The following KDM2B variants were observed in gnomAD, a reference collection of about 807,000 sequenced individuals.
KDM2B encodes the protein lysine demethylase 2B.
Under a neutral mutation model 150.0 loss-of-function variants are expected in KDM2B, and 26 were observed. The observed-to-expected ratio is 0.17, with a 90% CI of 0.13 to 0.24. The LOEUF (loss-of-function observed/expected upper bound fraction) is 0.24. Ranked by LOEUF, KDM2B falls within the 10% of genes least tolerant of loss-of-function variation. The pLI is 1.00. For synonymous variants in KDM2B, 734 were observed against 729.5 expected (o/e 1.01, Z -0.10); for missense variants, 1,265 against 1,816.9 (o/e 0.70, Z 5.52).
Position 121,480,921 on chromosome 12 carries a change from TTTTTTTTGTTG to T in KDM2B, c.1734+13647_1734+13657del, listed in dbSNP as rs1221667118. On this transcript the variant is annotated intron_variant, in intron 12 of 22. Transcript: ENST00000377071. ...AAATGCTCTTTATAAGTGAGAGGTG[TTTTTTTTGTTG>T]TTTTTTTTTTTTTGAGATGGAGTCT... is the stretch of plus-strand genomic sequence containing the variant. Among the ~76,000 whole-genome samples the T allele has an allele frequency of 4.6e-5, 5 of 108,436 alleles. No individual in the cohort carries two copies. In the East Asian group the frequency reaches 1.3e-3, roughly 28 times the overall value. The allele number at this position is 108,436 out of a possible 152,430, so 71.1% of individuals were successfully genotyped here.
At chr12:121,563,473 G>A (rs921581772) in intron 4 of KDM2B, among the ~76,000 whole-genome samples, 5 of 150,978 alleles carry the variant, frequency 3.3e-5, no homozygotes, top group African/African-American at 9.7e-5. Flanking sequence ...CGGGCGTGGC[G>A]GCGGCTGCCC....
chr12:121,504,957 A>G (rs551525191), intron 11 of KDM2B, among the ~76,000 whole-genome samples: 80 of 152,196 alleles, frequency 5.3e-4, no homozygotes, highest in African/African-American at 1.8e-3. Flanking sequence ...TCTACTAAAA[A>G]TACAAAAAAA....
intron 12 of KDM2B, among the ~76,000 whole-genome samples, chr12:121,474,235 C>A (rs781906943): frequency 6.6e-6 from 1 of 152,026 alleles, no homozygotes; most frequent in Non-Finnish European, 1.5e-5. Flanking sequence ...TAGGTACGGC[C>A]GGGCACGGTG....
At chr12:121,439,098 T>G (rs1555287487) in intron 22 of KDM2B, among the ~76,000 whole-genome samples, 1 of 152,046 alleles carries the variant, frequency 6.6e-6, no homozygotes. Flanking sequence ...TCACTGTGGG[T>G]TTTTTTCTCT....
intron 4 of KDM2B, among the ~76,000 whole-genome samples, chr12:121,559,254 G>A (rs1188870356): frequency 6.6e-6 from 1 of 152,182 alleles, no homozygotes; most frequent in Non-Finnish European, 1.5e-5. Flanking sequence ...AAGGTCGGGA[G>A]GCTTGGTTCT....
chr12:121,483,461 C>T (rs1555298255), intron 12 of KDM2B, among the ~76,000 whole-genome samples: 1 of 151,682 alleles, frequency 6.6e-6, no homozygotes, highest in East Asian at 1.9e-4. Context: ...TCTCTTGAGC[C>T]CAGGAGATTG....
chr12:121,421,501 T>C, the KDM2B span, among the ~76,000 whole-genome samples: 34 of 151,124 alleles, frequency 2.2e-4, no homozygotes, highest in African/African-American at 8.0e-4. Context: ...GTCATGCCAC[T>C]GCACTCCAGC....
In KDM2B at chr12:121,549,104, C is replaced by T. The variant is rs781831963; in HGVS notation, c.577-121G>A. 14 of 733,446 alleles carry T rather than the reference C, an allele frequency of 1.9e-5. No individual in the cohort carries two copies. The highest frequency in any genetic ancestry group is 3.5e-5 in the African/African-American group (2 of 56,974). 45.4% of individuals were successfully genotyped at this position (733,446 alleles called of 1,614,324 possible). The stretch of plus-strand genomic sequence containing the variant: ...CCCAATCTACTGTGGGCTCAATAGT[C>T]CCAACATGGGAGGAAGGAAGGGCAG... On this transcript the variant is annotated intron_variant, in intron 5 of 22. Coordinates refer to ENST00000377071, the MANE Select transcript of KDM2B (RefSeq NM_032590.5). The surrounding 1 kb of genome is among the most constrained non-coding windows in gnomAD (Gnocchi z 4.4).
chr12:121,425,798 G>A (rs1276154296), downstream of KDM2B, among the ~76,000 whole-genome samples: 4 of 147,118 alleles, frequency 2.7e-5, no homozygotes, highest in Admixed American at 6.8e-5. Flanking sequence ...ACAGAGTCTC[G>A]CTCTGTTGCC....
intron 6 of KDM2B, among the ~76,000 whole-genome samples, chr12:121,544,987 C>T (rs28604990): frequency 0.35 from 53,149 of 150,800 alleles, 11,366 homozygotes; most frequent in Non-Finnish European, 0.45. Flanking sequence ...GTGGGGGAAG[C>T]AGTCGTGTGT....
intron 12 of KDM2B, among the ~76,000 whole-genome samples, chr12:121,462,796 A>T (rs1879287625): frequency 6.6e-6 from 1 of 151,972 alleles, no homozygotes; most frequent in Non-Finnish European, 1.5e-5. Flanking sequence ...CCGGCTGGCA[A>T]AATTTCACTG....
At chr12:121,446,354 T>C (rs1192955046) in intron 13 of KDM2B, among the ~76,000 whole-genome samples, 7 of 152,066 alleles carry the variant, frequency 4.6e-5, no homozygotes, top group Non-Finnish European at 1.0e-4. Context: ...GCCGAGACCA[T>C]GCCACTGCAC....
rs531624525 is a variant in KDM2B, at chr12:121,521,843, G to A, written c.932-743C>T. Among the ~76,000 whole-genome samples the A allele has an allele frequency of 2.6e-5, 4 of 152,320 alleles. No individual in the cohort carries two copies. In the East Asian group the frequency reaches 7.7e-4, roughly 29 times the overall value. On this transcript the variant is annotated intron_variant, in intron 8 of 22. Coordinates refer to ENST00000377071, the MANE Select transcript of KDM2B (RefSeq NM_032590.5). The surrounding 1 kb of genome is among the most constrained non-coding windows in gnomAD (Gnocchi z 4.9). ...CGGAGGCAGGGCCAGGTGTAGTGGT[G>A]CACCTCTGTGATCCCAGCACTTTGG...
chr12:121,567,074 G>A (rs1289207003), intron 4 of KDM2B, among the ~76,000 whole-genome samples: 1 of 151,870 alleles, frequency 6.6e-6, no homozygotes, highest in African/African-American at 2.4e-5. Flanking sequence ...TAGTAGAGAC[G>A]AGGTTTTACC....
chr12:121,499,616 C>T (rs868961890), intron 11 of KDM2B, among the ~76,000 whole-genome samples: 7 of 151,994 alleles, frequency 4.6e-5, no homozygotes, highest in South Asian at 4.1e-4. Flanking sequence ...CACACAACTA[C>T]ACTCCAACCT....
At chr12:121,581,188 A>C (rs1190492317), upstream of KDM2B, 20 of 367,474 alleles carry the variant, frequency 5.4e-5, no homozygotes, top group African/African-American at 4.0e-4. Context: ...CAAGGGGAGC[A>C]GATAGATGCT....
chr12:121,443,746 C>A lies in KDM2B; in HGVS notation c.2499G>T (p.Pro833=). ...TSPGSSSHLS[P]RPPLGSSLSP... ...TGAGGCTGCTGCCTAGAGGGGGCCT[C>A]GGCGAGAGGTGAGAGGAGGAACCGG... The change falls in exon 17 of 23, where the codon CCG becomes CCT. Residue 833 remains proline (P), a synonymous_variant. Transcript: ENST00000377071. 6.2e-7 allele frequency: 1 copy of A among 1,610,710 alleles called. No individual in the cohort carries two copies. Among genetic ancestry groups the A allele is most frequent in the South Asian group, 1.1e-5 (1 of 90,994 alleles).
the KDM2B span, chr12:121,423,373 T>C: frequency 5.0e-6 from 8 of 1,593,370 alleles, no homozygotes; most frequent in African/African-American, 1.3e-5. This position sits in a 1 kb window ranked among gnomAD's most constrained non-coding sequence, Gnocchi z 4.3. Context: ...CTTAGCTCTC[T>C]GTTGCCTTTC....
At chr12:121,501,193 A>G (rs952293637) in intron 11 of KDM2B, among the ~76,000 whole-genome samples, 1 of 151,470 alleles carries the variant, frequency 6.6e-6, no homozygotes, top group African/African-American at 2.5e-5. Context: ...AGAGATTTGG[A>G]CAGAGACACA....
Sources: gnomAD v4.1 joint callset for allele counts (sites outside exome capture counted in the v4.1 genomes callset) on GRCh38, gnomAD v4.1.1 for gene constraint, Gnocchi (gnomAD v3.1) non-coding constraint, MANE v1.5 for transcripts, NCBI Gene and HGNC (gene_info 2026-07-23, HGNC 2026-07-21) for gene names.